GOSR2: variants seen among roughly 807,000 people sequenced by gnomAD.
GOSR2 encodes the protein golgi SNAP receptor complex member 2.
In GOSR2, 20 loss-of-function variants were observed where a neutral mutation model predicts 27.9. That is an observed-to-expected ratio of 0.72 (90% CI 0.50 to 1.04). The LOEUF (loss-of-function observed/expected upper bound fraction) is 1.04, where lower values mean the gene tolerates loss of function less well. GOSR2 is among the 50% of genes least tolerant of loss of function. The pLI is 0.00. For synonymous variants in GOSR2, 91 were observed against 98.8 expected (o/e 0.92, Z 0.47); for missense variants, 261 against 270.5 (o/e 0.97, Z 0.25).
At chr17:46,936,700 C>T (rs2088433893) in intron 5 of GOSR2, 12 of 984,746 alleles carry the variant, frequency 1.2e-5, no homozygotes, top group African/African-American at 5.3e-5. Flanking sequence ...TCCTTAGCCT[C>T]ATACAGTGAT....
chr17:46,937,803 G>T (rs2088645138), intron 5 of GOSR2: 1 of 152,178 alleles, frequency 6.6e-6, no homozygotes, highest in South Asian at 2.1e-4. Flanking sequence ...TATTCCATTG[G>T]TACAGGTTTA....
chr17:46,934,679 T>C (rs967892628), intron 4 of GOSR2, among the ~76,000 whole-genome samples: 1 of 152,186 alleles, frequency 6.6e-6, no homozygotes. Context: ...TGGAACCAGC[T>C]AGGTTAGTGA....
chr17:46,931,586 A>C, intron 3 of GOSR2: 1 of 314,632 alleles, frequency 3.2e-6, no homozygotes, highest in Non-Finnish European at 5.9e-6. Context: ...CAATCAGTCC[A>C]CCCATAATGA....
intron 6 of GOSR2, among the ~76,000 whole-genome samples, chr17:46,950,687 G>A (rs766720889): frequency 3.9e-5 from 6 of 152,118 alleles, no homozygotes; most frequent in Admixed American, 2.0e-4. Context: ...CTGCCTGCCC[G>A]GGGCCCTGCT....
chr17:46,974,087 C>A (rs2091421406), intron 6 of GOSR2, among the ~76,000 whole-genome samples: 1 of 152,242 alleles, frequency 6.6e-6, no homozygotes, highest in South Asian at 2.1e-4. Context: ...TTCCCCCGTT[C>A]TAGGGGACAT....
At chr17:46,966,762 G>T in exon 7 of GOSR2, 3 of 478,916 alleles carry the variant, frequency 6.3e-6, no homozygotes, top group South Asian at 8.5e-5. Flanking sequence ...AAGTGGAGAT[G>T]ACAATAGCAC....
chr17:46,968,531 G>A (rs2147338650), downstream of GOSR2, among the ~76,000 whole-genome samples: 1 of 152,362 alleles, frequency 6.6e-6, no homozygotes, highest in East Asian at 1.9e-4. Flanking sequence ...AGAGCACCAT[G>A]CCAAGCTCAT....
chr17:46,974,626 C>G (rs901349360), intron 6 of GOSR2, among the ~76,000 whole-genome samples: 2 of 151,780 alleles, frequency 1.3e-5, no homozygotes, highest in Non-Finnish European at 2.9e-5. Context: ...CCCAGCTACT[C>G]GGGAGGCTGA....
intron 6 of GOSR2, among the ~76,000 whole-genome samples, chr17:46,961,222 T>C (rs1379539334): frequency 2.0e-5 from 3 of 152,062 alleles, no homozygotes; most frequent in Non-Finnish European, 2.9e-5. Flanking sequence ...AGAAATAATA[T>C]GTATAATTTT....
intron 2 of GOSR2, chr17:46,930,637 C>T (rs1328979559): frequency 6.5e-6 from 1 of 153,926 alleles, no homozygotes; most frequent in Non-Finnish European, 1.3e-5. Flanking sequence ...TACTAATCTT[C>T]CCCTTCCTTT....
chr17:46,972,727 G>A (rs1004497330), intron 6 of GOSR2, among the ~76,000 whole-genome samples: 1 of 152,162 alleles, frequency 6.6e-6, no homozygotes, highest in Non-Finnish European at 1.5e-5. Context: ...ACTGGCTGAC[G>A]CTGGCTACCC....
At chr17:46,970,615 C>T (rs923479012), downstream of GOSR2, among the ~76,000 whole-genome samples, 2 of 151,352 alleles carry the variant, frequency 1.3e-5, no homozygotes, top group African/African-American at 2.4e-5. Context: ...CACAATCAGT[C>T]GTCAGCTGAG....
At chr17:46,951,769 A>G (rs1390517138) in intron 6 of GOSR2, among the ~76,000 whole-genome samples, 1 of 152,160 alleles carries the variant, frequency 6.6e-6, no homozygotes, top group African/African-American at 2.4e-5. Flanking sequence ...AGGTACACTC[A>G]GAGAGGAAAA....
At chr17:46,935,765 G>C in intron 5 of GOSR2, 1 of 987,020 alleles carries the variant, frequency 1.0e-6, no homozygotes, top group Non-Finnish European at 1.2e-6. Flanking sequence ...AGTTGGCACT[G>C]CTGAGACTCC....
intron 1 of GOSR2, among the ~76,000 whole-genome samples, chr17:46,928,115 T>G (rs757566408): frequency 1.3e-5 from 2 of 152,016 alleles, no homozygotes; most frequent in Non-Finnish European, 2.9e-5. Context: ...AGACTTACTT[T>G]CCGGAAGCAA....
Position 46,936,373 on chromosome 17 carries a change from G to A in GOSR2, c.477+1204G>A, listed in dbSNP as rs1465720050. 1.3e-5 allele frequency: 13 copies of A among 985,364 alleles called. No homozygotes were observed. In the South Asian group the frequency reaches 2.3e-4, roughly 18 times the overall value. The allele number at this position is 985,364 out of a possible 1,614,324, so 61.0% of individuals were successfully genotyped here. A position where few individuals can be genotyped will look rare whatever the true frequency, so the allele number is the denominator to read the frequency against. On this transcript the variant is annotated intron_variant, in intron 5 of 5. Coordinates refer to ENST00000640051, the MANE Select transcript of GOSR2 (RefSeq NM_004287.5). The stretch of plus-strand genomic sequence containing the variant: ...TAACTTCCCACTCAAGTCTGGCAGC[G>A]CTGGGGCATCAGCACACCTCTTGCC...
chr17:46,942,022 C>T (rs141258781), downstream of GOSR2: 481 of 906,798 alleles, frequency 5.3e-4, 2 homozygotes, highest in African/African-American at 8.0e-3. Context: ...TATATCCTAC[C>T]TTAGTCCAAA....
intron 5 of GOSR2, 83 bp from the exon 6 acceptor site, chr17:46,938,516 A>C: frequency 6.2e-7 from 1 of 1,604,376 alleles, no homozygotes; most frequent in Non-Finnish European, 8.5e-7. Flanking sequence ...TCTGTTGGCA[A>C]AGCTCCATCT....
chr17:46,930,396 C>G (rs1568168349), intron 2 of GOSR2: 1 of 152,254 alleles, frequency 6.6e-6, no homozygotes, highest in Non-Finnish European at 1.5e-5. Context: ...TCAGCAATCT[C>G]ATTGTTACAT....
Sources: allele counts gnomAD v4.1 joint callset (sites outside exome capture counted in the v4.1 genomes callset), GRCh38; gene constraint gnomAD v4.1.1; transcripts MANE v1.5; gene names NCBI Gene and HGNC (gene_info 2026-07-23, HGNC 2026-07-21).